SLC24A2: variants seen among roughly 807,000 people sequenced by gnomAD.
SLC24A2 encodes the protein sodium/potassium/calcium exchanger 2.
Under a neutral mutation model 62.0 loss-of-function variants are expected in SLC24A2, and 36 were observed. The observed-to-expected ratio is 0.58, with a 90% CI of 0.44 to 0.77. The LOEUF is 0.77. SLC24A2 is among the 30% of genes least tolerant of loss of function. The pLI is 0.00. For synonymous variants in SLC24A2, 358 were observed against 294.0 expected (o/e 1.22, Z -2.23); for missense variants, 846 against 817.9 (o/e 1.03, Z -0.42).
At chr9:19,840,839 G>A in the SLC24A2 span, among the ~76,000 whole-genome samples, 1 of 152,112 alleles carries the variant, frequency 6.6e-6, no homozygotes, top group Non-Finnish European at 1.5e-5. Context: ...TTTATAGAAA[G>A]GGAGTCATAC....
the SLC24A2 span, among the ~76,000 whole-genome samples, chr9:19,815,959 C>CTTTTTTT: frequency 8.7e-4 from 90 of 103,254 alleles, no homozygotes; most frequent in Non-Finnish European, 1.2e-3. Flanking sequence ...TTTTTTGCCC[C>CTTTTTTT]TTTTTTTTTT....
chr9:19,962,978 T>A, the SLC24A2 span, among the ~76,000 whole-genome samples: 4 of 152,206 alleles, frequency 2.6e-5, no homozygotes, highest in African/African-American at 9.7e-5. Flanking sequence ...CCATTCAGTA[T>A]GATATTGGCT....
At chr9:19,775,786 G>A (rs1822828650) in intron 2 of SLC24A2, among the ~76,000 whole-genome samples, 1 of 152,142 alleles carries the variant, frequency 6.6e-6, no homozygotes, top group Non-Finnish European at 1.5e-5. Flanking sequence ...AGTGCATTCC[G>A]CTCATTCAGT....
At chr9:20,004,176 A>T in the SLC24A2 span, among the ~76,000 whole-genome samples, 1 of 152,222 alleles carries the variant, frequency 6.6e-6, no homozygotes, top group Non-Finnish European at 1.5e-5. Flanking sequence ...ATAGATGATA[A>T]GGGAGCATGG....
intron 7 of SLC24A2, among the ~76,000 whole-genome samples, chr9:19,565,063 T>C (rs1344468332): frequency 6.6e-6 from 1 of 152,126 alleles, no homozygotes; most frequent in Non-Finnish European, 1.5e-5. Context: ...AAGACAGGGA[T>C]GTCTTCTCTC....
Position 19,513,176 on chromosome 9 carries a change from G to GTATATATATATA in SLC24A2, c.*2965_*2976dup, listed in dbSNP as rs60849714. On this transcript the variant is annotated 3_prime_UTR_variant, in exon 11 of 11. Coordinates refer to ENST00000341998, the MANE Select transcript of SLC24A2 (RefSeq NM_020344.4). Reference sequence around the variant, plus strand: ...AAGATATATATATATATATATATATGTATATATATATATATGTATATATTT... The same window carrying GTATATATATATA: ...AAGATATATATATATATATATATATGTATATATATATATATATATATATATATGTATATATTT... The GTATATATATATA allele has an allele frequency of 4.5e-5, 3 of 66,972 alleles. No individual in the cohort carries two copies. Among genetic ancestry groups the GTATATATATATA allele is most frequent in the African/African-American group, 1.7e-4 (3 of 17,844 alleles). The allele number at this position is 66,972 out of a possible 1,614,324, so 4.1% of individuals were successfully genotyped here. A position where few individuals can be genotyped will look rare whatever the true frequency, so the allele number is the denominator to read the frequency against.
chr9:20,023,702 G>A, the SLC24A2 span, among the ~76,000 whole-genome samples: 1 of 152,072 alleles, frequency 6.6e-6, no homozygotes, highest in African/African-American at 2.4e-5. Context: ...CCCAGCTCTT[G>A]GCTCCTAGTG....
chr9:20,006,724 C>A, the SLC24A2 span, among the ~76,000 whole-genome samples: 1 of 152,164 alleles, frequency 6.6e-6, no homozygotes, highest in Non-Finnish European at 1.5e-5. Context: ...CTACCATGCT[C>A]TTTGAAATCT....
chr9:19,530,078 C>CTTTTTTT (rs11365952), intron 8 of SLC24A2, among the ~76,000 whole-genome samples: 1 of 124,932 alleles, frequency 8.0e-6, no homozygotes, highest in Non-Finnish European at 1.7e-5. Context: ...ATAAAAGCAG[C>CTTTTTTT]TTTTTTTTTT....
At chr9:20,148,254 A>G in the SLC24A2 span, among the ~76,000 whole-genome samples, 35 of 152,246 alleles carry the variant, frequency 2.3e-4, no homozygotes, top group African/African-American at 8.4e-4. Context: ...TATTTTAATA[A>G]TAATCACCTC....
At chr9:19,778,522 T>C (rs543100611) in intron 2 of SLC24A2, among the ~76,000 whole-genome samples, 1 of 152,304 alleles carries the variant, frequency 6.6e-6, no homozygotes, top group South Asian at 2.1e-4. Flanking sequence ...GTCTTGGTTT[T>C]TAGTGCTGCT....
chr9:19,769,545 G>A (rs1281693749), intron 2 of SLC24A2, among the ~76,000 whole-genome samples: 2 of 152,186 alleles, frequency 1.3e-5, no homozygotes, highest in Non-Finnish European at 2.9e-5. Flanking sequence ...GACACCATGA[G>A]GTAAAGTGTT....
the SLC24A2 span, among the ~76,000 whole-genome samples, chr9:20,063,701 C>T: frequency 2.0e-5 from 3 of 151,980 alleles, no homozygotes; most frequent in Non-Finnish European, 4.4e-5. Flanking sequence ...TCATAAAGCT[C>T]AATAGTAGAA....
At chr9:19,883,427 C>G in the SLC24A2 span, among the ~76,000 whole-genome samples, 1 of 152,122 alleles carries the variant, frequency 6.6e-6, no homozygotes, top group Non-Finnish European at 1.5e-5. Flanking sequence ...AAAAACCAGA[C>G]TGTAGCATTT....
At chr9:20,130,524 G>A in the SLC24A2 span, among the ~76,000 whole-genome samples, 128 of 151,990 alleles carry the variant, frequency 8.4e-4, no homozygotes, top group Admixed American at 3.0e-3. Flanking sequence ...AAGGCTTTGG[G>A]TTGTTTAAAA....
chr9:20,249,976 C>T, the SLC24A2 span, among the ~76,000 whole-genome samples: 6 of 152,068 alleles, frequency 3.9e-5, no homozygotes, highest in Admixed American at 6.5e-5. Context: ...GAATCTAAAA[C>T]AGAAAATTTA....
the SLC24A2 span, among the ~76,000 whole-genome samples, chr9:19,888,515 T>C: frequency 6.6e-6 from 1 of 152,220 alleles, no homozygotes; most frequent in African/African-American, 2.4e-5. Flanking sequence ...TAAATCTTAG[T>C]GGCACATTAT....
the SLC24A2 span, among the ~76,000 whole-genome samples, chr9:19,918,812 G>A: frequency 6.6e-6 from 1 of 152,196 alleles, no homozygotes. Flanking sequence ...GTCTGCCTCA[G>A]AGGAACTGCC....
the SLC24A2 span, among the ~76,000 whole-genome samples, chr9:20,108,002 G>GA: frequency 2.0e-5 from 3 of 151,830 alleles, no homozygotes; most frequent in Non-Finnish European, 2.9e-5. Flanking sequence ...AAATTTACAA[G>GA]AAAAAAACAA....
Sources: gnomAD v4.1 joint callset for allele counts (sites outside exome capture counted in the v4.1 genomes callset) on GRCh38, gnomAD v4.1.1 for gene constraint, MANE v1.5 for transcripts, NCBI Gene and HGNC (gene_info 2026-07-23, HGNC 2026-07-21) for gene names.